TLCD3A: variants seen among roughly 807,000 people sequenced by gnomAD.
TLCD3A encodes the protein TLC domain containing 3A, also known as TLC domain-containing protein 3A.
In TLCD3A, 17 loss-of-function variants were observed where a neutral mutation model predicts 29.9. The ratio of observed to expected loss-of-function variants is 0.57; its 90% confidence interval spans 0.39 to 0.85. TLCD3A has a LOEUF of 0.85. Among genes scored for constraint, TLCD3A ranks in the 40% least tolerant of loss-of-function variants. TLCD3A has a pLI of 0.00. For synonymous variants in TLCD3A, 143 were observed against 147.7 expected (o/e 0.97, Z 0.23); for missense variants, 332 against 350.8 (o/e 0.95, Z 0.43).
In TLCD3A at chr17:737,847, C is replaced by T. The variant is rs1974179805; in HGVS notation, c.208C>T (p.His70Tyr). Residue 70 changes from histidine to tyrosine, a missense_variant and splice_region_variant, in exon 3 of 5, where the codon CAC becomes TAC. Coordinates refer to ENST00000308278, the MANE Select transcript of TLCD3A (RefSeq NM_024792.3). ...RSCDDVITGR[H>Y]WLAREYVWFL... is the part of the protein sequence containing the mutation. Reference sequence around the variant, plus strand: ...GGCCATTCATATGCTTTCTTTCAGGCACTGGCTTGCCCGGGAATATGTGTG... The same window carrying T: ...GGCCATTCATATGCTTTCTTTCAGGTACTGGCTTGCCCGGGAATATGTGTG... 1 of 1,614,056 alleles carries T rather than the reference C, an allele frequency of 6.2e-7. No homozygotes were observed. The highest frequency in any genetic ancestry group is 8.5e-7 in the Non-Finnish European group (1 of 1,179,928).
chr17:741,633 C>T lies in TLCD3A; in HGVS notation c.*63C>T. 3 of 1,571,906 alleles carry T rather than the reference C, an allele frequency of 1.9e-6. No homozygotes were observed. The highest frequency in any genetic ancestry group is 1.3e-5 in the African/African-American group (1 of 74,358). On this transcript the variant is annotated 3_prime_UTR_variant, in exon 5 of 5. Transcript: ENST00000308278. The stretch of plus-strand genomic sequence containing the variant: ...CCTCCTCCACTCAGCATTCCATGGA[C>T]CAAATTGTGCCCTGGGTAGCCTCAG...
In TLCD3A at chr17:732,716, G is replaced by A; in HGVS notation, c.69G>A (p.Leu23=). The A allele has an allele frequency of 6.9e-7, 1 of 1,441,968 alleles. No homozygotes were observed. Among genetic ancestry groups the A allele is most frequent in the South Asian group, 1.3e-5 (1 of 74,422 alleles). 89.3% of individuals were successfully genotyped at this position (1,441,968 alleles called of 1,614,324 possible). Residue 23 remains leucine (L), a synonymous_variant, in exon 1 of 5, where the codon CTG becomes CTA. Transcript: ENST00000308278. ...PGLFALCTWA[L]RRSQPGWSRT... ...TCTTCGCGCTCTGCACCTGGGCGCT[G>A]CGCCGCTCCCAGCCCGGATGGAGCC...
chr17:732,789 G>GC lies in TLCD3A; in HGVS notation c.122+26dup, dbSNP rs1296235527. On this transcript the variant is annotated intron_variant, in intron 1 of 4. Transcript: ENST00000308278. ...CACCAGGTACCGGCGCCGCCGAGAC[G>GC]CCCCCCGAGGCCCGGGGCGCTGCCC... 3.5e-6 allele frequency: 5 copies of GC among 1,439,312 alleles called. No homozygotes were observed. Among genetic ancestry groups the GC allele is most frequent in the Admixed American group, 2.5e-5 (1 of 39,696 alleles). 89.2% of individuals were successfully genotyped at this position (1,439,312 alleles called of 1,614,324 possible). A position where few individuals can be genotyped will look rare whatever the true frequency, so the allele number is the denominator to read the frequency against.
chr17:733,134 C>G lies in TLCD3A; in HGVS notation c.159C>G (p.Gly53=), dbSNP rs781390493. ...CGGTGCACGCCGTGCTGGCCACCGG[C>G]TCGGGGATCGTCATCATTCGCTCCT... ...VSSVHAVLAT[G]SGIVIIRSCD... is the part of the protein sequence containing the mutation. Residue 53 remains glycine, a synonymous_variant, in exon 2 of 5, where the codon GGC becomes GGG. Coordinates refer to ENST00000308278, the MANE Select transcript of TLCD3A (RefSeq NM_024792.3). 6 of 1,590,504 alleles carry G rather than the reference C, an allele frequency of 3.8e-6. No homozygotes were observed. Among genetic ancestry groups the G allele is most frequent in the Non-Finnish European group, 5.1e-6 (6 of 1,169,960 alleles).
rs1236238504 is a variant in TLCD3A at position 740,444 on chromosome 17, T to C, written c.409-61T>C. ...CCCTTTTCAGTAGCCCTCGTTGGAA[T>C]TTTCCTTCTGGTGGTTTCTTAACCT... On this transcript the variant is annotated intron_variant, in intron 3 of 4. Transcript: ENST00000308278. The C allele has an allele frequency of 2.7e-5, 35 of 1,311,374 alleles. No individual in the cohort carries two copies. In the East Asian group the frequency reaches 7.6e-4, roughly 28 times the overall value. 81.2% of individuals were successfully genotyped at this position (1,311,374 alleles called of 1,614,324 possible). A position where few individuals can be genotyped will look rare whatever the true frequency, so the allele number is the denominator to read the frequency against.
chr17:741,290 T>G lies in TLCD3A; in HGVS notation c.505-11T>G, dbSNP rs1181470458. ...GGTGACCTTACCTTTTTCCTTCCTC[T>G]TCTATTGCAGCTAAAGCAGCAGCAC... is the stretch of plus-strand genomic sequence containing the variant. On this transcript the variant is annotated splice_polypyrimidine_tract_variant and intron_variant, in intron 4 of 4. Coordinates refer to ENST00000308278, the MANE Select transcript of TLCD3A (RefSeq NM_024792.3). The G allele has an allele frequency of 6.2e-7, 1 of 1,613,580 alleles. No homozygotes were observed. Among genetic ancestry groups the G allele is most frequent in the Admixed American group, 1.7e-5 (1 of 60,000 alleles).
chr17:739,810 G>A (rs1358095026), intron 3 of TLCD3A, among the ~76,000 whole-genome samples: 1 of 152,188 alleles, frequency 6.6e-6, no homozygotes, highest in Non-Finnish European at 1.5e-5. Context: ...GGCCGGGCGA[G>A]GTGGCTCATG....
chr17:741,698 A>T lies in TLCD3A; in HGVS notation c.*128A>T, dbSNP rs1222731696. 8 of 1,153,014 alleles carry T rather than the reference A, an allele frequency of 6.9e-6. No homozygotes were observed. The highest frequency in any genetic ancestry group is 1.6e-5 in the African/African-American group (1 of 64,358). 71.4% of individuals were successfully genotyped at this position (1,153,014 alleles called of 1,614,324 possible). On this transcript the variant is annotated 3_prime_UTR_variant, in exon 5 of 5. Coordinates refer to ENST00000308278, the MANE Select transcript of TLCD3A (RefSeq NM_024792.3). ...TAAGCCGATGGATTTGAGTTTTTCT[A>T]AAGAATATTCATATTACCTCCTTCT...
chr17:738,980 A>G (rs999761820), intron 3 of TLCD3A, among the ~76,000 whole-genome samples: 2 of 152,208 alleles, frequency 1.3e-5, no homozygotes, highest in Non-Finnish European at 2.9e-5. Context: ...ATATAATACA[A>G]AGCAACATAA....
chr17:738,233 T>C lies in TLCD3A; in HGVS notation c.408+186T>C, dbSNP rs965113188. On this transcript the variant is annotated intron_variant, in intron 3 of 4. Transcript: ENST00000308278. Reference sequence around the variant, plus strand: ...GCCTCAGCCTCCTGAGTAGCTGGGATTGCAGGTGCCCACCACCACGCCCGG... The same window carrying C: ...GCCTCAGCCTCCTGAGTAGCTGGGACTGCAGGTGCCCACCACCACGCCCGG... 2.6e-5 allele frequency among the ~76,000 whole-genome samples: 4 copies of C among 151,672 alleles called. No homozygotes were observed. In the East Asian group the frequency reaches 5.8e-4, roughly 22 times the overall value.
At position 733,786 on chromosome 17, in the gene TLCD3A, A is replaced by G. The variant is rs370991426; in HGVS notation, c.206+605A>G. Among the ~76,000 whole-genome samples the G allele has an allele frequency of 7.2e-5, 11 of 152,354 alleles. 1 individual carries two copies. Among genetic ancestry groups the G allele is most frequent in the Admixed American group, 7.2e-4 (11 of 15,302 alleles). On this transcript the variant is annotated intron_variant, in intron 2 of 4. Transcript: ENST00000308278. ...GACTTTGTACAGTAGTTAGACCTGG[A>G]CAATGGTGGTGCTTTTATTATTTCA...
intron 2 of TLCD3A, among the ~76,000 whole-genome samples, chr17:733,538 G>C (rs375393716): frequency 6.6e-6 from 1 of 152,146 alleles, no homozygotes; most frequent in African/African-American, 2.4e-5. Context: ...GTCCAGTGTG[G>C]TTAGCAGAGC....
chr17:740,257 T>G lies in TLCD3A; in HGVS notation c.409-248T>G, dbSNP rs563828568. On this transcript the variant is annotated intron_variant, in intron 3 of 4. Transcript: ENST00000308278. Reference sequence around the variant, plus strand: ...ACAAAAGTAGGCTTGCAGCCTTCCTTCCGGCTGTCATCAAAATTCAGAGCT... The same window carrying G: ...ACAAAAGTAGGCTTGCAGCCTTCCTGCCGGCTGTCATCAAAATTCAGAGCT... Among the ~76,000 whole-genome samples the G allele has an allele frequency of 2.0e-5, 3 of 152,252 alleles. No individual in the cohort carries two copies. The South Asian group carries it at 6.2e-4, about 32-fold the overall frequency.
intron 2 of TLCD3A, 146 bp downstream of exon 2, chr17:733,327 G>A (rs982920657): frequency 2.7e-6 from 2 of 736,968 alleles, no homozygotes; most frequent in Non-Finnish European, 2.1e-6. Flanking sequence ...CGGAGTCTTC[G>A]GGCACCCCCA....
intron 3 of TLCD3A, among the ~76,000 whole-genome samples, chr17:740,171 G>A (rs902482511): frequency 8.5e-5 from 13 of 152,158 alleles, no homozygotes; most frequent in African/African-American, 3.1e-4. Context: ...TCTAGCACAG[G>A]GCCTGGCACA....
intron 2 of TLCD3A, among the ~76,000 whole-genome samples, chr17:735,277 G>A (rs773354130): frequency 2.6e-5 from 4 of 152,114 alleles, no homozygotes; most frequent in Non-Finnish European, 2.9e-5. Context: ...CTCCCAAAAT[G>A]CTGGGATTAC....
intron 2 of TLCD3A, 117 bp from the exon 3 acceptor site, chr17:737,729 A>T: frequency 9.9e-7 from 1 of 1,014,258 alleles, no homozygotes; most frequent in Non-Finnish European, 1.5e-6. Flanking sequence ...CAGTTTCAAC[A>T]TCTTTATTGT....
intron 3 of TLCD3A, among the ~76,000 whole-genome samples, chr17:738,806 A>T (rs1050941048): frequency 3.3e-5 from 5 of 151,466 alleles, no homozygotes; most frequent in Non-Finnish European, 7.4e-5. Context: ...GACTCAAGTG[A>T]TCCTCCTGCC....
In TLCD3A at chr17:740,496, C is replaced by T. The variant is rs1455646207; in HGVS notation, c.409-9C>T. 3.7e-6 allele frequency: 6 copies of T among 1,611,678 alleles called. No homozygotes were observed. Among genetic ancestry groups the T allele is most frequent in the Non-Finnish European group, 5.1e-6 (6 of 1,177,818 alleles). ...CACTTACTTCCCCTTTTCGTTTCGT[C>T]ATCCGCAGAGGCTCCGGGGAGACCT... On this transcript the variant is annotated splice_polypyrimidine_tract_variant and intron_variant, in intron 3 of 4. Transcript: ENST00000308278.
Sources: allele counts gnomAD v4.1 joint callset (sites outside exome capture counted in the v4.1 genomes callset), GRCh38; gene constraint gnomAD v4.1.1; transcripts MANE v1.5; gene names NCBI Gene and HGNC (gene_info 2026-07-23, HGNC 2026-07-21).